Variants in DENND6A observed in about 807,000 individuals in gnomAD.
The protein encoded by DENND6A is protein DENND6A.
Under a neutral mutation model 95.5 loss-of-function variants are expected in DENND6A, and 43 were observed. The ratio of observed to expected loss-of-function variants is 0.45; its 90% CI spans 0.35 to 0.58. The LOEUF (loss-of-function observed/expected upper bound fraction) is 0.58, where lower values mean the gene tolerates loss of function less well. Among genes scored for constraint, DENND6A ranks in the 20% least tolerant of loss-of-function variants. The pLI is 0.00. For missense variants in DENND6A, 574 were observed against 736.0 expected, an observed-to-expected ratio of 0.78 and a Z score of 2.55; for synonymous variants, 257 against 260.4, an observed-to-expected ratio of 0.99 and a Z score of 0.13.
chr3:57,640,756 G>A (rs1050115795), intron 12 of DENND6A, among the ~76,000 whole-genome samples: 3 of 151,956 alleles, frequency 2.0e-5, no homozygotes, highest in Non-Finnish European at 2.9e-5. Context: ...AAATTACTAC[G>A]CCCAAACCAT....
chr3:57,640,980 C>G (rs748730938), intron 12 of DENND6A, among the ~76,000 whole-genome samples: 6 of 151,690 alleles, frequency 4.0e-5, no homozygotes, highest in Admixed American at 1.3e-4. Context: ...TTGAACCGCT[C>G]CCTAAATCAA....
At chr3:57,655,279 C>T (rs112195729) in intron 9 of DENND6A, among the ~76,000 whole-genome samples, 20,490 of 152,148 alleles carry the variant, frequency 0.13, 1,464 homozygotes, top group South Asian at 0.21. Flanking sequence ...ATGATCCGCC[C>T]GCCTCGGCCT....
At position 57,660,984 on chromosome 3, in the gene DENND6A, C is replaced by CA. The variant is rs2071413502; in HGVS notation, c.620-146dup. On this transcript the variant is annotated intron_variant, in intron 6 of 19. Coordinates refer to ENST00000311128, the MANE Select transcript of DENND6A (RefSeq NM_152678.3). Reference sequence around the variant, plus strand: ...GAGAGATAAAAGGCAAAAGAAAAGTCAAAGTGATGAAAACATTTTATATTT... The same window carrying CA: ...GAGAGATAAAAGGCAAAAGAAAAGTCAAAAGTGATGAAAACATTTTATATTT... 16 of 667,716 alleles carry CA rather than the reference C, an allele frequency of 2.4e-5. No homozygotes were observed. In the South Asian group the frequency reaches 4.6e-4, roughly 19 times the overall value. 41.4% of individuals were successfully genotyped at this position (667,716 alleles called of 1,614,324 possible).
chr3:57,677,329 T>G (rs559456733), intron 1 of DENND6A, among the ~76,000 whole-genome samples: 9 of 151,916 alleles, frequency 5.9e-5, no homozygotes, highest in Non-Finnish European at 8.8e-5. Flanking sequence ...AATTCAATTG[T>G]GCCTTGAGTC....
intron 5 of DENND6A, among the ~76,000 whole-genome samples, chr3:57,662,793 CTATAA>C (rs1371879457): frequency 2.6e-5 from 4 of 151,390 alleles, no homozygotes; most frequent in South Asian, 2.1e-4. Context: ...AGACAGGTGT[CTATAA>C]TATAATAATA....
At chr3:57,645,834 C>A in intron 10 of DENND6A, 78 bp from the exon 11 acceptor site, 2 of 1,033,212 alleles carry the variant, frequency 1.9e-6, no homozygotes. Flanking sequence ...AACATCTATA[C>A]AAACGGTATA....
Position 57,681,783 on chromosome 3 carries a change from A to T in DENND6A, c.238-9345T>A, listed in dbSNP as rs186846541. 1.9e-3 allele frequency among the ~76,000 whole-genome samples: 294 copies of T among 152,324 alleles called. 7 individuals carry two copies. The highest frequency in any genetic ancestry group is 1.5e-3 in the Non-Finnish European group (104 of 68,028). On this transcript the variant is annotated intron_variant, in intron 1 of 19. Coordinates refer to ENST00000311128, the MANE Select transcript of DENND6A (RefSeq NM_152678.3). Reference sequence around the variant, plus strand: ...TACATACTATGACATGGATGAACGTATATGATTCCACTCCCATGAAAAGCA... The same window carrying T: ...TACATACTATGACATGGATGAACGTTTATGATTCCACTCCCATGAAAAGCA...
chr3:57,649,702 T>A (rs1294550095), intron 9 of DENND6A, among the ~76,000 whole-genome samples: 1 of 151,970 alleles, frequency 6.6e-6, no homozygotes, highest in East Asian at 1.9e-4. Flanking sequence ...CTAATACTTT[T>A]CTCATCTCCC....
At chr3:57,635,770 C>T (rs1380907990) in intron 12 of DENND6A, among the ~76,000 whole-genome samples, 2 of 152,088 alleles carry the variant, frequency 1.3e-5, no homozygotes, top group African/African-American at 2.4e-5. Context: ...AAACTTTTTA[C>T]TTTGAAGTAC....
At chr3:57,675,652 G>A (rs896623239) in intron 1 of DENND6A, among the ~76,000 whole-genome samples, 1 of 152,118 alleles carries the variant, frequency 6.6e-6, no homozygotes, top group South Asian at 2.1e-4. Context: ...CCCCTGCAAG[G>A]AAGCAGGGCT....
chr3:57,663,000 T>C (rs2071452768), intron 5 of DENND6A, among the ~76,000 whole-genome samples: 1 of 150,468 alleles, frequency 6.6e-6, no homozygotes, highest in South Asian at 2.1e-4. Flanking sequence ...ACACCTGTAA[T>C]GCCAGCTACT....
chr3:57,641,369 G>T (rs905085365), intron 12 of DENND6A, among the ~76,000 whole-genome samples: 1 of 142,340 alleles, frequency 7.0e-6, no homozygotes, highest in African/African-American at 2.6e-5. Context: ...TATATATAAA[G>T]CTAACATTTT....
intron 3 of DENND6A, among the ~76,000 whole-genome samples, chr3:57,667,568 G>A: frequency 6.6e-6 from 1 of 152,122 alleles, no homozygotes; most frequent in Admixed American, 6.6e-5. Flanking sequence ...TTGACCCTCA[G>A]CTTATATAGT....
At chr3:57,666,902 CA>C (rs1308397609) in intron 3 of DENND6A, among the ~76,000 whole-genome samples, 1 of 152,132 alleles carries the variant, frequency 6.6e-6, no homozygotes, top group Non-Finnish European at 1.5e-5. Flanking sequence ...TAAAGATCTA[CA>C]AGATCCAAAA....
At chr3:57,686,626 G>C (rs12638616) in intron 1 of DENND6A, among the ~76,000 whole-genome samples, 58,749 of 151,954 alleles carry the variant, frequency 0.39, 12,681 homozygotes, top group South Asian at 0.56. Flanking sequence ...TGTTACTATT[G>C]TATCTGTTAC....
Position 57,666,134 on chromosome 3 carries a change from CT to C in DENND6A, c.420del (p.Val141PhefsTer3). The C allele has an allele frequency of 5.0e-6, 8 of 1,613,092 alleles. No homozygotes were observed. Among genetic ancestry groups the C allele is most frequent in the Non-Finnish European group, 6.8e-6 (8 of 1,179,590 alleles). ...CLLDQFDKDL[P>X]VYLKKDPAYF... ...ACTACTTTTCCAACCTTTAAGTAAACTGGTAAATCTTTGTCAAATTGATCCA... is the reference window on the plus strand; with the variant it reads ...ACTACTTTTCCAACCTTTAAGTAAACGGTAAATCTTTGTCAAATTGATCCA... On this transcript the variant is annotated frameshift_variant, in exon 4 of 20. Transcript: ENST00000311128. LOFTEE classifies it high-confidence loss of function.
chr3:57,656,800 T>C (rs1451780580), intron 9 of DENND6A, among the ~76,000 whole-genome samples: 4 of 151,986 alleles, frequency 2.6e-5, no homozygotes, highest in Admixed American at 1.3e-4. Flanking sequence ...CTACTAAAAA[T>C]ACAAAAATGT....
intron 1 of DENND6A, among the ~76,000 whole-genome samples, chr3:57,691,748 A>T (rs1380120054): frequency 6.6e-6 from 1 of 151,834 alleles, no homozygotes; most frequent in Non-Finnish European, 1.5e-5. Flanking sequence ...CCTTGGACAC[A>T]TGAAAGCAAG....
At chr3:57,642,680 G>A (rs1037829167) in intron 11 of DENND6A, among the ~76,000 whole-genome samples, 3 of 152,050 alleles carry the variant, frequency 2.0e-5, no homozygotes, top group African/African-American at 7.2e-5. Context: ...CCAAGTGGAG[G>A]AATGCCGCAT....
Sources: gnomAD v4.1 joint callset for allele counts (sites outside exome capture counted in the v4.1 genomes callset) on GRCh38, gnomAD v4.1.1 for gene constraint, MANE v1.5 for transcripts, NCBI Gene and HGNC (gene_info 2026-07-23, HGNC 2026-07-21) for gene names.